Variants in GPR137B observed in about 807,000 individuals in gnomAD.
GPR137B encodes the protein integral membrane protein GPR137B.
Under a neutral mutation model 42.5 loss-of-function variants are expected in GPR137B, and 42 were observed. The ratio of observed to expected loss-of-function variants is 0.99; its 90% CI spans 0.77 to 1.28. The LOEUF is 1.28. Among genes scored for constraint, GPR137B ranks in the 50% most tolerant of loss-of-function variants. The pLI, the probability that GPR137B is intolerant of heterozygous loss-of-function variation, is 0.00. For synonymous variants in GPR137B, 218 were observed against 209.7 expected, an observed-to-expected ratio of 1.04 and a Z score of -0.34; for missense variants, 487 against 493.9, an observed-to-expected ratio of 0.99 and a Z score of 0.13.
Position 236,156,538 on chromosome 1 carries a change from G to A in GPR137B, c.415-12168G>A, listed in dbSNP as rs891502348. Among the ~76,000 whole-genome samples, 1 of 152,188 alleles carries A rather than the reference G, an allele frequency of 6.6e-6. No individual in the cohort carries two copies. Among genetic ancestry groups the A allele is most frequent in the African/African-American group, 2.4e-5 (1 of 41,456 alleles). The stretch of plus-strand genomic sequence containing the variant: ...GTTTGGAAGAAAAGAACATCCTAAC[G>A]CAGGCATAGAGGCCCCGCCCTTGCT... On this transcript the variant is annotated intron_variant, in intron 1 of 6. Coordinates refer to ENST00000366592, the MANE Select transcript of GPR137B (RefSeq NM_003272.4). The surrounding 1 kb of genome is among the most constrained non-coding windows in gnomAD (Gnocchi z 4.8).
At chr1:236,206,424 T>C (rs1277036717) in intron 6 of GPR137B, among the ~76,000 whole-genome samples, 1 of 152,216 alleles carries the variant, frequency 6.6e-6, no homozygotes, top group Non-Finnish European at 1.5e-5. Flanking sequence ...CCTACGCTTA[T>C]GTTATACTTT....
intron 4 of GPR137B, 38 bp downstream of exon 4, chr1:236,180,066 G>A (rs900388873): frequency 6.4e-7 from 1 of 1,570,602 alleles, no homozygotes; most frequent in Non-Finnish European, 8.8e-7. Flanking sequence ...CCTGACCAGG[G>A]ACTCTTGGTA....
intron 1 of GPR137B, among the ~76,000 whole-genome samples, chr1:236,162,832 C>A (rs1051101629): frequency 1.3e-5 from 2 of 152,202 alleles, no homozygotes; most frequent in African/African-American, 2.4e-5. Context: ...GGGGTGGGGC[C>A]CTCATGGAGA....
At chr1:236,207,355 T>TG in intron 6 of GPR137B, 1 of 714,284 alleles carries the variant, frequency 1.4e-6, no homozygotes, top group South Asian at 6.3e-5. Flanking sequence ...ACTCAGATTC[T>TG]GAGCTCCACC....
At chr1:236,165,805 C>A (rs1662335597) in intron 1 of GPR137B, among the ~76,000 whole-genome samples, 1 of 152,174 alleles carries the variant, frequency 6.6e-6, no homozygotes, top group Admixed American at 6.5e-5. Context: ...GTTTTCCTAG[C>A]AGTTTCTAAA....
At chr1:236,196,775 G>A (rs1663350069) in intron 5 of GPR137B, among the ~76,000 whole-genome samples, 3 of 152,166 alleles carry the variant, frequency 2.0e-5, no homozygotes, top group South Asian at 4.1e-4. Context: ...CCAGGTTGTT[G>A]TGGATGCTAT....
intron 5 of GPR137B, among the ~76,000 whole-genome samples, chr1:236,191,007 T>C (rs1254883042): frequency 2.0e-5 from 3 of 152,222 alleles, no homozygotes; most frequent in Non-Finnish European, 4.4e-5. Context: ...TCTTTTCACA[T>C]AGTTCCATGT....
At chr1:236,179,491 C>T (rs1203839441) in intron 3 of GPR137B, among the ~76,000 whole-genome samples, 2 of 152,192 alleles carry the variant, frequency 1.3e-5, no homozygotes, top group African/African-American at 2.4e-5. Context: ...AGATTGTTTA[C>T]TTGCCTCCTT....
intron 2 of GPR137B, among the ~76,000 whole-genome samples, chr1:236,169,878 A>G (rs1662481382): frequency 6.6e-6 from 1 of 151,970 alleles, no homozygotes; most frequent in Admixed American, 6.6e-5. Context: ...TGTCTCTACT[A>G]AAAATACAAA....
chr1:236,171,143 T>C lies in GPR137B; in HGVS notation c.464+2388T>C, dbSNP rs990766018. Among the ~76,000 whole-genome samples, 2 of 152,190 alleles carry C rather than the reference T, an allele frequency of 1.3e-5. No individual in the cohort carries two copies. The highest frequency in any genetic ancestry group is 4.8e-5 in the African/African-American group (2 of 41,442). On this transcript the variant is annotated intron_variant, in intron 2 of 6. Coordinates refer to ENST00000366592, the MANE Select transcript of GPR137B (RefSeq NM_003272.4). The surrounding 1 kb of genome is among the most constrained non-coding windows in gnomAD (Gnocchi z 4.4). ...TTTAAATAACTCAGCATAAAACAGT[T>C]GTAACTGTGTTTTGACTGCAATCCA... is the stretch of plus-strand genomic sequence containing the variant.
At chr1:236,194,125 CTCAG>C (rs1663272781) in intron 5 of GPR137B, among the ~76,000 whole-genome samples, 1 of 152,154 alleles carries the variant, frequency 6.6e-6, no homozygotes, top group African/African-American at 2.4e-5. Flanking sequence ...AGGCACAGCT[CTCAG>C]TCAGCCATGC....
rs1661629545 is a variant in GPR137B, at chr1:236,144,533, ATTTTG to A, written c.414+1499_414+1503del. ...TTGGCTAAAAAATAGCATATGTGAT[ATTTTG>A]TAGATAGTATAATCTTTTAAAAATG... On this transcript the variant is annotated intron_variant, in intron 1 of 6. Coordinates refer to ENST00000366592, the MANE Select transcript of GPR137B (RefSeq NM_003272.4). 4.6e-5 allele frequency among the ~76,000 whole-genome samples: 7 copies of A among 152,394 alleles called. No homozygotes were observed. In the East Asian group the frequency reaches 7.7e-4, roughly 17 times the overall value.
intron 6 of GPR137B, among the ~76,000 whole-genome samples, chr1:236,206,906 C>T (rs1048138720): frequency 1.3e-5 from 2 of 152,196 alleles, no homozygotes; most frequent in African/African-American, 4.8e-5. Flanking sequence ...CTTGTCCTCT[C>T]AGGACCCCCA....
rs1246539131 is a variant in GPR137B at position 236,142,575 on chromosome 1, C to A, written c.-48C>A. 8.9e-6 allele frequency: 10 copies of A among 1,123,052 alleles called. No individual in the cohort carries two copies. The highest frequency in any genetic ancestry group is 1.1e-5 in the Non-Finnish European group (10 of 874,978). 69.6% of individuals were successfully genotyped at this position (1,123,052 alleles called of 1,614,324 possible). On this transcript the variant is annotated 5_prime_UTR_variant, in exon 1 of 7. Coordinates refer to ENST00000366592, the MANE Select transcript of GPR137B (RefSeq NM_003272.4). Reference sequence around the variant, plus strand: ...TCCAGTCTCGGGGCTGCAGGCTGAGCGCGATGCGCGGAGACCCCCGCGGGG... The same window carrying A: ...TCCAGTCTCGGGGCTGCAGGCTGAGAGCGATGCGCGGAGACCCCCGCGGGG...
chr1:236,157,534 C>G (rs1662069293), intron 1 of GPR137B, among the ~76,000 whole-genome samples: 1 of 152,112 alleles, frequency 6.6e-6, no homozygotes, highest in African/African-American at 2.4e-5. Context: ...ATTCCACACA[C>G]TTAGCCATCC....
chr1:236,183,911 G>A lies in GPR137B; in HGVS notation c.966+5G>A. 2 of 1,600,442 alleles carry A rather than the reference G, an allele frequency of 1.2e-6. No individual in the cohort carries two copies. The highest frequency in any genetic ancestry group is 8.5e-7 in the Non-Finnish European group (1 of 1,169,662). On this transcript the variant is annotated splice_donor_5th_base_variant and intron_variant, in intron 5 of 6. Coordinates refer to ENST00000366592, the MANE Select transcript of GPR137B (RefSeq NM_003272.4). Reference sequence around the variant, plus strand: ...AGAAATCCTACAAAGGACCTTGTAAGTAAACCATTTTACATTTGTAAGAAA... The same window carrying A: ...AGAAATCCTACAAAGGACCTTGTAAATAAACCATTTTACATTTGTAAGAAA...
intron 5 of GPR137B, among the ~76,000 whole-genome samples, chr1:236,202,941 C>T (rs891051289): frequency 5.9e-5 from 9 of 152,134 alleles, no homozygotes; most frequent in Non-Finnish European, 8.8e-5. Flanking sequence ...ATCTAGTTTT[C>T]CCAGCACCAT....
chr1:236,181,179 A>C (rs1292684240), intron 4 of GPR137B, among the ~76,000 whole-genome samples: 2 of 152,202 alleles, frequency 1.3e-5, no homozygotes, highest in Non-Finnish European at 2.9e-5. Flanking sequence ...AGTTGTTGCA[A>C]TATGATACTC....
chr1:236,193,366 T>C (rs1663249098), intron 5 of GPR137B, among the ~76,000 whole-genome samples: 1 of 152,220 alleles, frequency 6.6e-6, no homozygotes, highest in African/African-American at 2.4e-5. Context: ...GAACATATGT[T>C]TTCATTTCTC....
Sources: gnomAD v4.1 joint callset for allele counts (sites outside exome capture counted in the v4.1 genomes callset) on GRCh38, gnomAD v4.1.1 for gene constraint, Gnocchi (gnomAD v3.1) non-coding constraint, MANE v1.5 for transcripts, NCBI Gene and HGNC (gene_info 2026-07-23, HGNC 2026-07-21) for gene names.